The following EML6 variants were observed in gnomAD, a reference collection of about 807,000 sequenced individuals.
EML6 encodes echinoderm microtubule-associated protein-like 6.
Under a neutral mutation model 240.1 loss-of-function variants are expected in EML6, and 154 were observed. The ratio of observed to expected loss-of-function variants is 0.64; its 90% CI spans 0.56 to 0.73. The LOEUF is 0.73. Among genes scored for constraint, EML6 ranks in the 30% least tolerant of loss-of-function variants. The probability of loss-of-function intolerance (pLI) is 0.00; values close to 1 mark genes in which losing one functional copy is unlikely to be tolerated. For synonymous variants in EML6, 1,148 were observed against 899.0 expected (o/e 1.28, Z -4.95); for missense variants, 2,964 against 2,474.6 (o/e 1.20, Z -4.20).
At chr2:54,760,307 G>A (rs1261468734) in intron 2 of EML6, among the ~76,000 whole-genome samples, 1 of 151,400 alleles carries the variant, frequency 6.6e-6, no homozygotes, top group African/African-American at 2.4e-5. Flanking sequence ...TATGAGTTTG[G>A]TATATATTTT....
At chr2:54,771,155 C>T (rs928123036) in intron 2 of EML6, among the ~76,000 whole-genome samples, 16 of 152,156 alleles carry the variant, frequency 1.1e-4, no homozygotes, top group Non-Finnish European at 1.5e-4. Context: ...ATTTACTGAG[C>T]AGTTAATGGC....
intron 25 of EML6, 32 bp from the exon 26 acceptor site, chr2:54,916,727 C>G (rs1371990531): frequency 1.4e-6 from 2 of 1,459,210 alleles, no homozygotes; most frequent in East Asian, 5.0e-5. Context: ...CTAGGTTGTG[C>G]AAAAATATCA....
At chr2:54,912,638 C>G (rs528770582) in intron 25 of EML6, among the ~76,000 whole-genome samples, 19 of 152,232 alleles carry the variant, frequency 1.2e-4, no homozygotes, top group South Asian at 1.0e-3. Flanking sequence ...TGCTTTATTC[C>G]CACTCGTGAG....
chr2:54,954,063 G>A lies in EML6; in HGVS notation c.4393G>A (p.Val1465Met). Residue 1465 changes from valine (V) to methionine (M), a missense_variant, in exon 32 of 42, where the codon GTG becomes ATG. By Grantham distance (21) the Val-to-Met change is conservative. Transcript: ENST00000356458. The stretch of plus-strand genomic sequence containing the variant: ...GCTGCGGTGCTTCCACTCCAAGGGG[G>A]TGAATTACATCAACTTCAGTGCAAC... Reference protein sequence around the residue: ...SMLRCFHSKGVNYINFSATGK... With the variant: ...SMLRCFHSKGMNYINFSATGK... The A allele has an allele frequency of 1.9e-6, 3 of 1,551,800 alleles. No individual in the cohort carries two copies. Among genetic ancestry groups the A allele is most frequent in the Non-Finnish European group, 2.6e-6 (3 of 1,146,980 alleles).
At chr2:54,945,813 C>T (rs965601935) in intron 28 of EML6, among the ~76,000 whole-genome samples, 4 of 152,240 alleles carry the variant, frequency 2.6e-5, no homozygotes, top group African/African-American at 7.2e-5. Context: ...TAAGACTCCC[C>T]ACATCTTTAG....
At chr2:54,800,782 A>G (rs1670094904) in intron 2 of EML6, among the ~76,000 whole-genome samples, 1 of 152,102 alleles carries the variant, frequency 6.6e-6, no homozygotes, top group Non-Finnish European at 1.5e-5. Context: ...ATACGGGGGA[A>G]GAGAAGGGAG....
At chr2:54,737,497 T>C (rs1683449601) in intron 2 of EML6, among the ~76,000 whole-genome samples, 1 of 152,074 alleles carries the variant, frequency 6.6e-6, no homozygotes, top group Admixed American at 6.6e-5. Context: ...CAGGGTTTCA[T>C]CATTTTGGCC....
intron 28 of EML6, among the ~76,000 whole-genome samples, chr2:54,929,263 T>C (rs1315704976): frequency 1.3e-5 from 2 of 152,254 alleles, no homozygotes; most frequent in Non-Finnish European, 2.9e-5. Context: ...GGTTTGGCAT[T>C]TCCAGCCTAT....
At chr2:54,964,967 A>T (rs1676683849) in intron 38 of EML6, among the ~76,000 whole-genome samples, 1 of 152,256 alleles carries the variant, frequency 6.6e-6, no homozygotes, top group African/African-American at 2.4e-5. Flanking sequence ...GAAAAACAGG[A>T]AACACAAGCC....
chr2:54,902,350 A>T (rs1316352799), intron 22 of EML6, among the ~76,000 whole-genome samples: 3 of 152,136 alleles, frequency 2.0e-5, no homozygotes, highest in Non-Finnish European at 2.9e-5. Context: ...GAAGTTGAAA[A>T]TGTATTTTTG....
At chr2:54,945,907 C>T (rs1244510253) in intron 28 of EML6, among the ~76,000 whole-genome samples, 2 of 152,222 alleles carry the variant, frequency 1.3e-5, no homozygotes, top group African/African-American at 4.8e-5. Context: ...TCCTGCCCTG[C>T]CCACAGAATG....
At chr2:54,838,718 G>T (rs1438101369) in intron 7 of EML6, among the ~76,000 whole-genome samples, 1 of 152,074 alleles carries the variant, frequency 6.6e-6, no homozygotes, top group East Asian at 1.9e-4. Context: ...GGTTTAGATG[G>T]GTGATTTGCT....
intron 32 of EML6, 71 bp downstream of exon 32, chr2:54,954,227 C>A: frequency 7.3e-7 from 1 of 1,377,520 alleles, no homozygotes; most frequent in South Asian, 1.4e-5. Context: ...GGGCTCGAAC[C>A]CAGATCTGCC....
chr2:54,950,611 T>C, intron 29 of EML6, 39 bp from the exon 30 acceptor site: 1 of 1,548,574 alleles, frequency 6.5e-7, no homozygotes, highest in Non-Finnish European at 8.7e-7. Flanking sequence ...CTCCCTTCCT[T>C]CCTCTGAGGG....
At chr2:54,890,678 A>C (rs986705585) in intron 17 of EML6, among the ~76,000 whole-genome samples, 1 of 152,174 alleles carries the variant, frequency 6.6e-6, no homozygotes, top group Admixed American at 6.5e-5. Flanking sequence ...TTCCTCCTGC[A>C]CAAGAGGAGG....
chr2:54,861,962 A>G (rs546848704), intron 12 of EML6, among the ~76,000 whole-genome samples: 8 of 152,260 alleles, frequency 5.3e-5, no homozygotes, highest in African/African-American at 1.7e-4. Flanking sequence ...AGAGAGCAAT[A>G]TAAGAACAAA....
At position 54,963,918 on chromosome 2, in the gene EML6, C is replaced by G. The variant is rs990826834; in HGVS notation, c.5158-68C>G. 4.5e-5 allele frequency: 64 copies of G among 1,435,046 alleles called. No homozygotes were observed. The Admixed American group carries it at 1.6e-3, about 36-fold the overall frequency. The allele number at this position is 1,435,046 out of a possible 1,614,324, so 88.9% of individuals were successfully genotyped here. ...GCAGCCTGACTTCTCTGGCCTGGTGCAGAATGTCTCCTGGAGACCAGCTGA... is the reference window on the plus strand; with the variant it reads ...GCAGCCTGACTTCTCTGGCCTGGTGGAGAATGTCTCCTGGAGACCAGCTGA... On this transcript the variant is annotated intron_variant, in intron 36 of 41. Transcript: ENST00000356458.
At chr2:54,760,693 A>G (rs968649599) in intron 2 of EML6, among the ~76,000 whole-genome samples, 1 of 152,108 alleles carries the variant, frequency 6.6e-6, no homozygotes, top group Admixed American at 6.6e-5. Context: ...GTAAGTTTCT[A>G]TCTTTCCCTT....
At chr2:54,895,867 G>A (rs552131536) in intron 21 of EML6, among the ~76,000 whole-genome samples, 54 of 152,208 alleles carry the variant, frequency 3.5e-4, no homozygotes, top group African/African-American at 1.3e-3. Context: ...TCCCAACATT[G>A]CTGCTTTCTC....
Sources: gnomAD v4.1 joint callset for allele counts (sites outside exome capture counted in the v4.1 genomes callset) on GRCh38, gnomAD v4.1.1 for gene constraint, MANE v1.5 for transcripts, NCBI Gene and HGNC (gene_info 2026-07-23, HGNC 2026-07-21) for gene names.